KCNU1: variants seen among roughly 807,000 people sequenced by gnomAD.
The protein encoded by KCNU1 is potassium channel subfamily U member 1.
Under a neutral mutation model 126.8 loss-of-function variants are expected in KCNU1, and 93 were observed. That is an observed-to-expected ratio of 0.73 (90% CI 0.62 to 0.87). The LOEUF is 0.87. Ranked by LOEUF, KCNU1 falls within the 40% of genes least tolerant of loss-of-function variation. The pLI is 0.00. For missense variants in KCNU1, 1,330 were observed against 1,367.1 expected (o/e 0.97, Z 0.43); for synonymous variants, 523 against 494.2 (o/e 1.06, Z -0.77).
chr8:36,798,598 A>C (rs1803191412), intron 2 of KCNU1, among the ~76,000 whole-genome samples: 1 of 152,194 alleles, frequency 6.6e-6, no homozygotes, highest in African/African-American at 2.4e-5. Flanking sequence ...CCATCATAAG[A>C]CTTCAGAAGA....
At chr8:36,859,732 T>C (rs1563300076) in intron 18 of KCNU1, among the ~76,000 whole-genome samples, 2 of 152,190 alleles carry the variant, frequency 1.3e-5, no homozygotes, top group Non-Finnish European at 2.9e-5. Flanking sequence ...GTTAAGAACA[T>C]GAATTCTGGA....
At chr8:36,846,014 G>A in intron 18 of KCNU1, 115 bp downstream of exon 18, 1 of 661,896 alleles carries the variant, frequency 1.5e-6, no homozygotes, top group South Asian at 1.8e-5. Context: ...TGGCCAGGAA[G>A]TGGCAGACAT....
intron 23 of KCNU1, among the ~76,000 whole-genome samples, chr8:36,921,278 T>G (rs1458972727): frequency 6.6e-6 from 1 of 152,122 alleles, no homozygotes; most frequent in African/African-American, 2.4e-5. Context: ...CCACAGTGGA[T>G]TGCTCTTTAG....
intron 25 of KCNU1, among the ~76,000 whole-genome samples, chr8:36,932,459 C>A (rs935277828): frequency 3.9e-5 from 6 of 152,048 alleles, no homozygotes; most frequent in Admixed American, 1.3e-4. Context: ...GTTGTCTATT[C>A]ATAATGATCT....
chr8:36,817,597 G>A, intron 9 of KCNU1, 53 bp from the exon 10 acceptor site: 1 of 847,678 alleles, frequency 1.2e-6, no homozygotes, highest in Middle Eastern at 2.2e-4. Flanking sequence ...AATGCTGACA[G>A]GAAGGTGCTT....
chr8:36,793,748 T>C (rs1802987689), intron 2 of KCNU1, among the ~76,000 whole-genome samples: 1 of 152,120 alleles, frequency 6.6e-6, no homozygotes, highest in Non-Finnish European at 1.5e-5. Context: ...TAATAGAGCC[T>C]CTTTTATTCT....
At chr8:36,920,746 G>T (rs1250878807) in intron 23 of KCNU1, among the ~76,000 whole-genome samples, 1 of 152,266 alleles carries the variant, frequency 6.6e-6, no homozygotes, top group Non-Finnish European at 1.5e-5. Flanking sequence ...GTGCGCATGT[G>T]TGTGTGTGGA....
chr8:36,794,055 C>CTA (rs1803003688), intron 2 of KCNU1, among the ~76,000 whole-genome samples: 1 of 64,976 alleles, frequency 1.5e-5, no homozygotes, highest in Non-Finnish European at 3.3e-5. Context: ...CTCTGTCTCT[C>CTA]AAAAAAAAAA....
At chr8:36,816,304 A>G (rs1367856684) in intron 9 of KCNU1, among the ~76,000 whole-genome samples, 1 of 152,106 alleles carries the variant, frequency 6.6e-6, no homozygotes, top group Admixed American at 6.6e-5. Flanking sequence ...TCTTGGATTC[A>G]TGTTACCTTA....
intron 19 of KCNU1, among the ~76,000 whole-genome samples, chr8:36,901,101 G>A (rs1417324492): frequency 6.6e-6 from 1 of 151,900 alleles, no homozygotes; most frequent in Non-Finnish European, 1.5e-5. Context: ...GAGGCTTTTT[G>A]AACTTTCTAA....
chr8:36,855,122 A>G (rs1465419759), intron 18 of KCNU1, among the ~76,000 whole-genome samples: 1 of 152,090 alleles, frequency 6.6e-6, no homozygotes, highest in Non-Finnish European at 1.5e-5. Context: ...AGAGCTTTGG[A>G]ACTTCTCAGG....
In KCNU1 at chr8:36,931,094, G is replaced by A. The variant is rs769435361; in HGVS notation, c.2880G>A (p.Arg960=). 1.9e-6 allele frequency: 3 copies of A among 1,611,568 alleles called. No homozygotes were observed. The highest frequency in any genetic ancestry group is 2.2e-5 in the East Asian group (1 of 44,748). The change falls in exon 25 of 27, where the codon CGG becomes CGA. Residue 960 remains arginine (R), a synonymous_variant. Coordinates refer to ENST00000399881, the MANE Select transcript of KCNU1 (RefSeq NM_001031836.3). Reference sequence around the variant, plus strand: ...CGTCGCTCTTGTCTGGAAGAAACCGGTGTAAGCTGGGGCTTCTGTCCTTAC... The same window carrying A: ...CGTCGCTCTTGTCTGGAAGAAACCGATGTAAGCTGGGGCTTCTGTCCTTAC... ...SCTSLLSGRN[R]CKLGLLSLHE...
chr8:36,836,750 G>A (rs772521856), intron 13 of KCNU1, 43 bp from the exon 14 acceptor site: 1 of 1,578,352 alleles, frequency 6.3e-7, no homozygotes, highest in South Asian at 1.1e-5. Context: ...TTCTTGAGGT[G>A]TGTTTATTCC....
chr8:36,934,272 G>A (rs1808788963), intron 26 of KCNU1, among the ~76,000 whole-genome samples: 1 of 152,102 alleles, frequency 6.6e-6, no homozygotes, highest in Non-Finnish European at 1.5e-5. Context: ...CATAGACACT[G>A]TAGGCATGTA....
intron 25 of KCNU1, among the ~76,000 whole-genome samples, chr8:36,932,072 C>A (rs1388842139): frequency 6.6e-5 from 10 of 152,160 alleles, no homozygotes; most frequent in African/African-American, 2.4e-4. Context: ...GCAAAACCCC[C>A]AGGTAGAACA....
At position 36,909,455 on chromosome 8, in the gene KCNU1, A is replaced by G. The variant is rs766687031; in HGVS notation, c.2251A>G (p.Ile751Val). The G allele has an allele frequency of 1.2e-5, 19 of 1,613,548 alleles. No individual in the cohort carries two copies. Among genetic ancestry groups the G allele is most frequent in the Middle Eastern group, 3.3e-4 (2 of 6,082 alleles). ...SNYTRKELKD[I>V]VFIGSLDYLQ... ...CTATACCAGGAAGGAGCTGAAGGAC[A>G]TAGTGTTCATTGGGTCTCTGGACTA... Residue 751 changes from isoleucine to valine, a missense_variant, in exon 21 of 27, where the codon ATA becomes GTA. Around this residue, in one of 3 missense-constraint regions of KCNU1, gnomAD observed 1,054 missense variants for 1,053.9 expected, o/e 1.00. Transcript: ENST00000399881.
chr8:36,784,799 C>A (rs905616173), intron 1 of KCNU1, among the ~76,000 whole-genome samples, 194 bp downstream of exon 1: 5 of 152,124 alleles, frequency 3.3e-5, no homozygotes, highest in African/African-American at 1.2e-4. Context: ...CAGGGCCAAG[C>A]CTCTTCTCTC....
intron 26 of KCNU1, among the ~76,000 whole-genome samples, chr8:36,935,221 G>A (rs151120813): frequency 3.9e-5 from 6 of 152,076 alleles, no homozygotes; most frequent in African/African-American, 1.2e-4. Flanking sequence ...AAAGATGAGC[G>A]CAGCAAGGCC....
In KCNU1 at chr8:36,931,032, G is replaced by T. The variant is rs765626795; in HGVS notation, c.2818G>T (p.Asp940Tyr). 3.7e-6 allele frequency: 6 copies of T among 1,611,580 alleles called. No homozygotes were observed. In the South Asian group the frequency reaches 6.6e-5, roughly 18 times the overall value. Residue 940 changes from aspartate to tyrosine, a missense_variant, in exon 25 of 27, where the codon GAT (aspartate) becomes TAT (tyrosine). Transcript: ENST00000399881. ...GVSSQLEQHL[D>Y]KDKVYGVADS... Reference sequence around the variant, plus strand: ...AAGTTCTCAGCTGGAACAACATTTAGATAAGGATAAAGTCTATGGTGTGGC... The same window carrying T: ...AAGTTCTCAGCTGGAACAACATTTATATAAGGATAAAGTCTATGGTGTGGC...
Sources: gnomAD v4.1 joint callset for allele counts (sites outside exome capture counted in the v4.1 genomes callset) on GRCh38, gnomAD v4.1.1 for gene constraint, gnomAD v4.1.1 regional missense constraint, MANE v1.5 for transcripts, NCBI Gene and HGNC (gene_info 2026-07-23, HGNC 2026-07-21) for gene names.